EYS: variants seen among roughly 807,000 people sequenced by gnomAD.
EYS encodes the protein protein eyes shut homolog.
A neutral mutation model predicts 282.1 loss-of-function variants in EYS; 250 were observed. The ratio of observed to expected loss-of-function variants is 0.89; its 90% confidence interval spans 0.80 to 0.98. The LOEUF (loss-of-function observed/expected upper bound fraction) is 0.98. Ranked by LOEUF, EYS falls within the 50% of genes least tolerant of loss-of-function variation. The pLI, the probability that EYS is intolerant of heterozygous loss-of-function variation, is 0.00. For missense variants in EYS, 4,016 were observed against 3,709.0 expected, an observed-to-expected ratio of 1.08 and a Z score of -2.15; for synonymous variants, 1,355 against 1,282.9, an observed-to-expected ratio of 1.06 and a Z score of -1.20.
intron 31 of EYS, among the ~76,000 whole-genome samples, chr6:64,229,535 C>T (rs1054999931): frequency 6.6e-6 from 1 of 152,136 alleles, no homozygotes; most frequent in Non-Finnish European, 1.5e-5. Flanking sequence ...ATCTTCAGAG[C>T]ATTTTATAGA....
chr6:64,433,202 G>C lies in EYS; in HGVS notation c.5927+2972C>G, dbSNP rs866362229. Among the ~76,000 whole-genome samples, 9 of 151,896 alleles carry C rather than the reference G, an allele frequency of 5.9e-5. No individual in the cohort carries two copies. The South Asian group carries it at 1.7e-3, about 28-fold the overall frequency. On this transcript the variant is annotated intron_variant, in intron 28 of 42. Coordinates refer to ENST00000503581, the MANE Select transcript of EYS (RefSeq NM_001142800.2). ...TCCTTTTTCTTCCCAGTTCTATAAG[G>C]GTACGTAAGGCAAGACCTTTCTCCT...
chr6:64,416,025 C>T (rs1052079417), intron 28 of EYS, among the ~76,000 whole-genome samples: 4 of 152,120 alleles, frequency 2.6e-5, no homozygotes, highest in Non-Finnish European at 5.9e-5. Flanking sequence ...CAAAGCTGCT[C>T]GTGTGCTATT....
chr6:64,188,565 G>A (rs1765014886), intron 31 of EYS, among the ~76,000 whole-genome samples: 1 of 152,010 alleles, frequency 6.6e-6, no homozygotes, highest in Non-Finnish European at 1.5e-5. Flanking sequence ...TTCTTATCTG[G>A]CAACTCCACC....
chr6:64,907,090 T>C (rs1445647812), intron 16 of EYS, among the ~76,000 whole-genome samples: 2 of 152,156 alleles, frequency 1.3e-5, no homozygotes, highest in Non-Finnish European at 2.9e-5. Flanking sequence ...TCCTGCTCTG[T>C]TGCCTAAGCT....
At chr6:65,526,493 C>T (rs1233779977) in intron 2 of EYS, among the ~76,000 whole-genome samples, 1 of 152,164 alleles carries the variant, frequency 6.6e-6, no homozygotes, top group East Asian at 1.9e-4. Flanking sequence ...CATTTGGAAA[C>T]ACTGCTCCAA....
intron 35 of EYS, among the ~76,000 whole-genome samples, chr6:63,926,060 T>A (rs1406903418): frequency 6.8e-6 from 1 of 147,862 alleles, no homozygotes; most frequent in Non-Finnish European, 1.5e-5. Flanking sequence ...GTCGTTCAAC[T>A]CCCACTTATG....
At chr6:64,167,400 C>A (rs989808892) in intron 31 of EYS, among the ~76,000 whole-genome samples, 1 of 152,134 alleles carries the variant, frequency 6.6e-6, no homozygotes, top group Non-Finnish European at 1.5e-5. Context: ...GAACTTTTCA[C>A]AACACAAATA....
intron 26 of EYS, among the ~76,000 whole-genome samples, chr6:64,462,569 A>T (rs1775782466): frequency 6.6e-6 from 1 of 152,088 alleles, no homozygotes; most frequent in Admixed American, 6.6e-5. Flanking sequence ...TAGTGTCGCC[A>T]CTTCCTGAGG....
At chr6:65,311,385 C>T (rs1290406141) in intron 11 of EYS, among the ~76,000 whole-genome samples, 5 of 152,118 alleles carry the variant, frequency 3.3e-5, no homozygotes, top group Non-Finnish European at 7.4e-5. Flanking sequence ...CTGCTTTATG[C>T]ATATTTGACC....
At chr6:64,035,297 G>C (rs1041862762) in intron 33 of EYS, among the ~76,000 whole-genome samples, 2 of 152,318 alleles carry the variant, frequency 1.3e-5, no homozygotes, top group Middle Eastern at 3.4e-3. Context: ...GACAGTATTA[G>C]AATAATTACA....
At chr6:64,253,783 C>T (rs1767300459) in intron 30 of EYS, among the ~76,000 whole-genome samples, 2 of 151,886 alleles carry the variant, frequency 1.3e-5, no homozygotes, top group South Asian at 4.2e-4. Flanking sequence ...CAGGCTTTAG[C>T]CGTTATGAAT....
At chr6:63,892,349 C>T (rs538404235) in intron 35 of EYS, among the ~76,000 whole-genome samples, 1 of 152,124 alleles carries the variant, frequency 6.6e-6, no homozygotes, top group African/African-American at 2.4e-5. Flanking sequence ...GCTACAGTAA[C>T]CAAAACAGCA....
chr6:64,582,840 C>T (rs966228840), intron 26 of EYS, among the ~76,000 whole-genome samples: 8 of 151,920 alleles, frequency 5.3e-5, no homozygotes, highest in African/African-American at 1.2e-4. Flanking sequence ...CACAAAAGCA[C>T]GGGGCTTTCA....
chr6:65,054,230 T>G (rs954724985), intron 13 of EYS, among the ~76,000 whole-genome samples: 2 of 151,964 alleles, frequency 1.3e-5, no homozygotes, highest in African/African-American at 4.8e-5. Context: ...ACCTTAGTGG[T>G]GTAGCACAAT....
intron 22 of EYS, among the ~76,000 whole-genome samples, chr6:64,704,656 C>T (rs1341319790): frequency 6.6e-6 from 1 of 151,476 alleles, no homozygotes; most frequent in East Asian, 1.9e-4. Flanking sequence ...GGTTATGACT[C>T]ACCTGCAATT....
chr6:65,620,488 C>T (rs1295170264), intron 2 of EYS, among the ~76,000 whole-genome samples: 6 of 151,374 alleles, frequency 4.0e-5, no homozygotes, highest in African/African-American at 1.5e-4. Context: ...TTTTGTTGAT[C>T]GTTTCAAAAA....
intron 31 of EYS, among the ~76,000 whole-genome samples, chr6:64,095,185 A>G (rs1244648758): frequency 5.3e-5 from 8 of 152,122 alleles, no homozygotes; most frequent in African/African-American, 1.4e-4. Context: ...CATGTGGTCA[A>G]TTTTGGAATA....
At chr6:64,444,334 G>C (rs969906417) in intron 26 of EYS, among the ~76,000 whole-genome samples, 13 of 152,166 alleles carry the variant, frequency 8.5e-5, no homozygotes, top group African/African-American at 3.1e-4. Flanking sequence ...TGAGGTTTAT[G>C]TTGAGAAATA....
intron 10 of EYS, among the ~76,000 whole-genome samples, chr6:65,336,829 C>T (rs2150314908): frequency 6.6e-6 from 1 of 151,576 alleles, no homozygotes; most frequent in East Asian, 1.9e-4. Flanking sequence ...CCAGTGGATT[C>T]ACCTGATGGT....
Sources: allele counts gnomAD v4.1 joint callset (sites outside exome capture counted in the v4.1 genomes callset), GRCh38; gene constraint gnomAD v4.1.1; transcripts MANE v1.5; gene names NCBI Gene and HGNC (gene_info 2026-07-23, HGNC 2026-07-21).